The following SPTBN1 variants were observed in gnomAD, a reference collection of about 807,000 sequenced individuals.
SPTBN1 encodes the protein spectrin beta chain, non-erythrocytic 1.
Under a neutral mutation model 266.4 loss-of-function variants are expected in SPTBN1, and 32 were observed. The ratio of observed to expected loss-of-function variants is 0.12; its 90% CI spans 0.09 to 0.16. The LOEUF (loss-of-function observed/expected upper bound fraction) is 0.16, where lower values mean the gene tolerates loss of function less well. Ranked by LOEUF, SPTBN1 falls within the 10% of genes least tolerant of loss-of-function variation. SPTBN1 has a pLI of 1.00. For missense variants in SPTBN1, 2,296 were observed against 3,067.1 expected (o/e 0.75, Z 5.94); for synonymous variants, 1,336 against 1,162.2 (o/e 1.15, Z -3.04).
At chr2:54,479,240 G>T (rs746749366) in intron 1 of SPTBN1, among the ~76,000 whole-genome samples, 22 of 152,166 alleles carry the variant, frequency 1.4e-4, no homozygotes, top group Non-Finnish European at 2.6e-4. Context: ...GGCAAATAAA[G>T]TATAGTTATA....
At chr2:54,642,927 GA>G in intron 18 of SPTBN1, 55 bp from the exon 19 acceptor site, 4 of 1,580,746 alleles carry the variant, frequency 2.5e-6, no homozygotes, top group Non-Finnish European at 3.4e-6. Context: ...TTTCCAGGCG[GA>G]AAAAAGGCTG....
chr2:54,529,809 T>G (rs1285924017), intron 2 of SPTBN1: 4 of 485,708 alleles, frequency 8.2e-6, no homozygotes, highest in Non-Finnish European at 1.6e-5. Context: ...TCATCCAAAC[T>G]GAGTCCATCT....
rs377200533 is a variant in SPTBN1 at position 54,631,298 on chromosome 2, C to A, written c.3251C>A (p.Ala1084Glu). The A allele has an allele frequency of 6.2e-7, 1 of 1,614,068 alleles. No homozygotes were observed. ...FQSWLSRTQTAIASEDMPNTL... is the reference protein window; with the variant it reads ...FQSWLSRTQTEIASEDMPNTL... ...TCCTGGCTCTCTAGGACCCAGACAG[C>A]GATCGCCTCGGAGGACATGCCAAAC... The change falls in exon 16 of 36, where the codon GCG (alanine) becomes GAG (glutamate). Residue 1084 changes from alanine to glutamate, a missense_variant. This residue lies in a region of SPTBN1 where 18 missense variants were observed against 50.3 expected (regional missense o/e 0.36). Coordinates refer to ENST00000356805, the MANE Select transcript of SPTBN1 (RefSeq NM_003128.3).
rs546089883 is a variant in SPTBN1, at chr2:54,504,289, T to G, written c.-47-22083T>G. Among the ~76,000 whole-genome samples, 243 of 152,336 alleles carry G rather than the reference T, an allele frequency of 1.6e-3. 1 individual carries two copies. The highest frequency in any genetic ancestry group is 5.7e-3 in the African/African-American group (238 of 41,582). On this transcript the variant is annotated intron_variant, in intron 1 of 35. Transcript: ENST00000356805. ...TCTATGACTTTCTTAAATAAAAACC[T>G]TTTGGATTTTCATATCTATTTAGCT...
chr2:54,598,371 G>T (rs569642557), intron 2 of SPTBN1, among the ~76,000 whole-genome samples: 33 of 152,080 alleles, frequency 2.2e-4, no homozygotes, highest in Non-Finnish European at 4.1e-4. Flanking sequence ...TCACATTTTT[G>T]TTGAAACCTT....
At chr2:54,585,303 GAACTGTC>G (rs2104594138) in intron 2 of SPTBN1, among the ~76,000 whole-genome samples, 1 of 152,304 alleles carries the variant, frequency 6.6e-6, no homozygotes, top group Admixed American at 6.5e-5. Context: ...TGTGTTCTAT[GAACTGTC>G]AACTGCCCTG....
chr2:54,566,109 C>T (rs145948751), intron 2 of SPTBN1, among the ~76,000 whole-genome samples: 275 of 152,074 alleles, frequency 1.8e-3, no homozygotes, highest in African/African-American at 6.4e-3. Flanking sequence ...TTTCTATCAA[C>T]TCTGAAACCC....
chr2:54,475,445 C>G (rs1667777265), intron 1 of SPTBN1, among the ~76,000 whole-genome samples: 1 of 152,136 alleles, frequency 6.6e-6, no homozygotes. Context: ...AGTCCCTTCT[C>G]TCTGTGGTCA....
At chr2:54,568,913 A>G (rs1291040014) in intron 2 of SPTBN1, among the ~76,000 whole-genome samples, 1 of 152,228 alleles carries the variant, frequency 6.6e-6, no homozygotes, top group African/African-American at 2.4e-5. Flanking sequence ...GAATGATCCT[A>G]TATTAAATGA....
At chr2:54,660,547 A>G in intron 32 of SPTBN1, 1 of 985,986 alleles carries the variant, frequency 1.0e-6, no homozygotes, top group South Asian at 4.7e-5. Flanking sequence ...AATAAGATTA[A>G]AACCTAAAGT....
chr2:54,533,794 G>T lies in SPTBN1; in HGVS notation c.148+7228G>T, dbSNP rs953002505. ...TCGAACTCCTGACCCCAGGTGATCC[G>T]CCCGCCTTGGCCTCCCAAAGTGCTG... On this transcript the variant is annotated intron_variant, in intron 2 of 35. Coordinates refer to ENST00000356805, the MANE Select transcript of SPTBN1 (RefSeq NM_003128.3). This position sits in a 1 kb window ranked among gnomAD's most constrained non-coding sequence, Gnocchi z 4.2. Among the ~76,000 whole-genome samples, 2 of 152,066 alleles carry T rather than the reference G, an allele frequency of 1.3e-5. No homozygotes were observed. Among genetic ancestry groups the T allele is most frequent in the South Asian group, 2.1e-4 (1 of 4,826 alleles).
intron 1 of SPTBN1, among the ~76,000 whole-genome samples, chr2:54,463,408 T>G (rs1693467379): frequency 6.6e-6 from 1 of 152,226 alleles, no homozygotes; most frequent in African/African-American, 2.4e-5. Flanking sequence ...AGCACAATCC[T>G]CAGTGGAGCT....
rs554354198 is a variant in SPTBN1 at position 54,480,597 on chromosome 2, T to C, written c.-48+24079T>C. ...TCAGTATAACCCACATTCAGATGTA[T>C]ATGAAACATGTAGTCCAGATCCTTT... On this transcript the variant is annotated intron_variant, in intron 1 of 35. Transcript: ENST00000356805. Among the ~76,000 whole-genome samples, 163 of 152,354 alleles carry C rather than the reference T, an allele frequency of 1.1e-3. 1 individual carries two copies. Among genetic ancestry groups the C allele is most frequent in the Non-Finnish European group, 2.1e-3 (140 of 68,022 alleles).
intron 2 of SPTBN1, among the ~76,000 whole-genome samples, chr2:54,562,576 G>T (rs1461024661): frequency 8.1e-6 from 1 of 123,208 alleles, no homozygotes; most frequent in African/African-American, 3.4e-5. Context: ...TGCTCAGGCT[G>T]GAGTGCAGTG....
At chr2:54,567,406 C>T (rs1673737373) in intron 2 of SPTBN1, among the ~76,000 whole-genome samples, 1 of 152,058 alleles carries the variant, frequency 6.6e-6, no homozygotes, top group Admixed American at 6.6e-5. Flanking sequence ...GTGGCACAAT[C>T]TTGGCTCACT....
chr2:54,477,209 G>A (rs1667877478), intron 1 of SPTBN1, among the ~76,000 whole-genome samples: 1 of 152,074 alleles, frequency 6.6e-6, no homozygotes, highest in South Asian at 2.1e-4. Context: ...TTGTTGCCAG[G>A]GATTTTATGC....
chr2:54,553,464 T>G lies in SPTBN1; in HGVS notation c.148+26898T>G, dbSNP rs563883496. Among the ~76,000 whole-genome samples the G allele has an allele frequency of 7.9e-5, 12 of 152,344 alleles. No homozygotes were observed. In the East Asian group the frequency reaches 1.2e-3, roughly 15 times the overall value. On this transcript the variant is annotated intron_variant, in intron 2 of 35. Coordinates refer to ENST00000356805, the MANE Select transcript of SPTBN1 (RefSeq NM_003128.3). ...CATGGTTTGGAGCCGCTTCTCTATC[T>G]GGCCACGCTAATGGAAGAGGATTAT...
At chr2:54,469,578 T>G (rs572390746) in intron 1 of SPTBN1, among the ~76,000 whole-genome samples, 2 of 152,236 alleles carry the variant, frequency 1.3e-5, no homozygotes, top group African/African-American at 4.8e-5. Context: ...TGAAGCCTGG[T>G]GTAGGAGTCT....
intron 19 of SPTBN1, 98 bp downstream of exon 19, chr2:54,643,227 T>C (rs1044901208): frequency 3.3e-6 from 5 of 1,519,936 alleles, no homozygotes; most frequent in Non-Finnish European, 3.6e-6. Context: ...TCTGATCTTA[T>C]CTGTACATTT....
Sources: gnomAD v4.1 joint callset for allele counts (sites outside exome capture counted in the v4.1 genomes callset) on GRCh38, gnomAD v4.1.1 for gene constraint, gnomAD v4.1.1 regional missense constraint, Gnocchi (gnomAD v3.1) non-coding constraint, MANE v1.5 for transcripts, NCBI Gene and HGNC (gene_info 2026-07-23, HGNC 2026-07-21) for gene names.